Variants in KRT39 observed in about 807,000 individuals in gnomAD.
KRT39 encodes keratin 39, also known as keratin, type I cytoskeletal 39.
In KRT39, 47 loss-of-function variants were observed where a neutral mutation model predicts 54.8. The observed-to-expected ratio is 0.86, with a 90% confidence interval of 0.68 to 1.09. KRT39 has a LOEUF of 1.09. Ranked by LOEUF, KRT39 falls within the 50% of genes least tolerant of loss-of-function variation. The pLI is 0.00. For missense variants in KRT39, 580 were observed against 598.5 expected (o/e 0.97, Z 0.32); for synonymous variants, 207 against 227.9 (o/e 0.91, Z 0.83).
At chr17:40,961,284 A>T (rs995462227) in intron 5 of KRT39, among the ~76,000 whole-genome samples, 2 of 152,182 alleles carry the variant, frequency 1.3e-5, no homozygotes, top group Non-Finnish European at 2.9e-5. Context: ...TGATGAGTAA[A>T]TTTCATTCCT....
intron 2 of KRT39, chr17:40,964,114 GC>G (rs1288395295): frequency 3.5e-5 from 15 of 426,068 alleles, no homozygotes; most frequent in Non-Finnish European, 6.2e-5. Flanking sequence ...TTTGACTTGT[GC>G]TAGTTATGCT....
intron 3 of KRT39, 87 bp from the exon 4 acceptor site, chr17:40,962,650 T>A: frequency 1.7e-6 from 2 of 1,153,228 alleles, no homozygotes; most frequent in East Asian, 4.7e-5. Context: ...ACGATTTAGC[T>A]TAATTGTGTC....
rs10491137 is a variant in KRT39 at position 40,966,545 on chromosome 17, G to A, written c.312C>T (p.Asn104=). The change falls in exon 1 of 7, where the codon AAC becomes AAT. Residue 104 remains asparagine (N), a synonymous_variant. Transcript: ENST00000355612. ...TTTGCAGGTAGTTAGCAAGGCGCTCGTTCAAGATTTGCATGGTCTCCTTCT... is the reference window on the plus strand; with the variant it reads ...TTTGCAGGTAGTTAGCAAGGCGCTCATTCAAGATTTGCATGGTCTCCTTCT... The part of the protein sequence containing the change: ...SNEKETMQIL[N]ERLANYLQKV... The A allele has an allele frequency of 0.16, 253,272 of 1,613,776 alleles. 21,097 individuals are homozygous for A. Among genetic ancestry groups the A allele is most frequent in the Middle Eastern group, 0.29 (1,777 of 6,062 alleles).
Position 40,958,543 on chromosome 17 carries a change from A to T in KRT39, c.*58T>A. Reference sequence around the variant, plus strand: ...GGGAGTTTTCTTAAACCTCTCTGGCAGGAGCATGTATTGGCCTCTGTTTCA... The same window carrying T: ...GGGAGTTTTCTTAAACCTCTCTGGCTGGAGCATGTATTGGCCTCTGTTTCA... On this transcript the variant is annotated 3_prime_UTR_variant, in exon 7 of 7. Coordinates refer to ENST00000355612, the MANE Select transcript of KRT39 (RefSeq NM_213656.4). The T allele has an allele frequency of 2.3e-5, 35 of 1,534,216 alleles. 2 individuals are homozygous for T. The South Asian group carries it at 4.3e-4, about 19-fold the overall frequency.
chr17:40,962,258 G>A lies in KRT39; in HGVS notation c.900C>T (p.Thr300=), dbSNP rs1327889163. 6 of 1,614,186 alleles carry A rather than the reference G, an allele frequency of 3.7e-6. No homozygotes were observed. The East Asian group carries it at 1.3e-4, about 36-fold the overall frequency. Reference sequence around the variant, plus strand: ...GGCAGCATTGCTGCTGTTGAGAGCTGGTCACCACTTGTTGATTCAGCTCCT... The same window carrying A: ...GGCAGCATTGCTGCTGTTGAGAGCTAGTCACCACTTGTTGATTCAGCTCCT... The part of the protein sequence containing the change: ...QIEELNQQVV[T]SSQQQQCCQK... Residue 300 remains threonine (T), a synonymous_variant, in exon 5 of 7, where the codon ACC becomes ACT. Coordinates refer to ENST00000355612, the MANE Select transcript of KRT39 (RefSeq NM_213656.4).
chr17:40,958,828 C>T lies in KRT39; in HGVS notation c.1249G>A (p.Glu417Lys), dbSNP rs1160026594. The T allele has an allele frequency of 1.2e-6, 2 of 1,609,396 alleles. No homozygotes were observed. The highest frequency in any genetic ancestry group is 1.7e-6 in the Non-Finnish European group (2 of 1,177,900). Residue 417 changes from glutamate to lysine, a missense_variant, in exon 7 of 7, where the codon GAG becomes AAG. Transcript: ENST00000355612. ...TTACAAGATGTCCAAGGGGAAGGCT[C>T]ACATTTGGTGGCACGTGGGTAACAG... ...RPCYPRATKC[E>K]PSPWTSCKSG...
chr17:40,963,780 G>C lies in KRT39; in HGVS notation c.555C>G (p.Tyr185Ter). Residue 185 changes from tyrosine (Y) to a stop codon, truncating the protein, a stop_gained, in exon 3 of 7, where the codon TAC (tyrosine) becomes TAG (stop). Transcript: ENST00000355612. LOFTEE classifies it high-confidence loss of function. ...GCTGGCGTAGAGACACCTCAGCTTC[G>C]TATCTTTAAAAACCAGATGGGAAAA... Reference protein sequence around the residue: ...KLTADDLRAKYEAEVSLRQLV... With the variant: ...KLTADDLRAK 6.4e-7 allele frequency: 1 copy of C among 1,570,606 alleles called. No individual in the cohort carries two copies. Among genetic ancestry groups the C allele is most frequent in the Non-Finnish European group, 8.7e-7 (1 of 1,148,136 alleles).
intron 5 of KRT39, among the ~76,000 whole-genome samples, chr17:40,961,392 T>C (rs1323415534): frequency 6.6e-6 from 1 of 152,174 alleles, no homozygotes; most frequent in Admixed American, 6.5e-5. Flanking sequence ...ATGAGAAAAC[T>C]GAGGTTCAAG....
In KRT39 at chr17:40,960,343, G is replaced by A; in HGVS notation, c.1155C>T (p.Val385=). ...QNQEYEILLD[V]KSRLECEITT... ...TAATCTCACATTCCAGCCGGGACTT[G>A]ACGTCCAGCAGGATCTCGTATTCTT... Residue 385 remains valine, a synonymous_variant, in exon 6 of 7, where the codon GTC becomes GTT. Coordinates refer to ENST00000355612, the MANE Select transcript of KRT39 (RefSeq NM_213656.4). 1 of 1,614,034 alleles carries A rather than the reference G, an allele frequency of 6.2e-7. No homozygotes were observed. The highest frequency in any genetic ancestry group is 8.5e-7 in the Non-Finnish European group (1 of 1,180,014).
At chr17:40,964,390 T>G in intron 2 of KRT39, 56 bp downstream of exon 2, 1 of 1,479,732 alleles carries the variant, frequency 6.8e-7, no homozygotes, top group Non-Finnish European at 9.5e-7. Flanking sequence ...GTTGAGGGCA[T>G]CTCGGTCAGA....
intron 3 of KRT39, 80 bp downstream of exon 3, chr17:40,963,547 C>T: frequency 7.3e-7 from 1 of 1,374,032 alleles, no homozygotes; most frequent in Non-Finnish European, 1.0e-6. Flanking sequence ...CGGGCACACC[C>T]TTTGTCAGGT....
Position 40,966,632 on chromosome 17 carries a change from G to T in KRT39, c.225C>A (p.Asn75Lys). The change falls in exon 1 of 7, where the codon AAC becomes AAA. Residue 75 changes from asparagine (N) to lysine (K), a missense_variant. Asn to Lys is a moderately conservative substitution (Grantham distance 94). Coordinates refer to ENST00000355612, the MANE Select transcript of KRT39 (RefSeq NM_213656.4). ...FCRKPIYLMN[N>K]FNARFSLDDC... ...CATCCAGAGAAAAACGGGCATTGAA[G>T]TTGTTCATTAGGTAGATGGGCTTGC... is the stretch of plus-strand genomic sequence containing the variant. The T allele has an allele frequency of 6.2e-7, 1 of 1,614,230 alleles. No homozygotes were observed. Among genetic ancestry groups the T allele is most frequent in the South Asian group, 1.1e-5 (1 of 91,082 alleles).
chr17:40,960,265 C>T lies in KRT39; in HGVS notation c.1217+16G>A. On this transcript the variant is annotated intron_variant, in intron 6 of 6. Transcript: ENST00000355612. ...TTACACTTTTTTGTCATAGAAGTTG[C>T]TGTTATTTTACATACTTGCCATCCG... 6.2e-7 allele frequency: 1 copy of T among 1,603,304 alleles called. No homozygotes were observed.
At chr17:40,961,594 T>C (rs1480757897) in intron 5 of KRT39, among the ~76,000 whole-genome samples, 1 of 152,204 alleles carries the variant, frequency 6.6e-6, no homozygotes, top group East Asian at 1.9e-4. Flanking sequence ...TTTGTGACTT[T>C]GGATGAGTTT....
At position 40,960,407 on chromosome 17, in the gene KRT39, T is replaced by G; in HGVS notation, c.1091A>C (p.Gln364Pro). Residue 364 changes from glutamine to proline, a missense_variant, in exon 6 of 7, where the codon CAG becomes CCG. By Grantham distance (76) the Gln-to-Pro change is moderately conservative. Coordinates refer to ENST00000355612, the MANE Select transcript of KRT39 (RefSeq NM_213656.4). ...IQSLIDNLEAQLAEIRCALER... is the reference protein window; with the variant it reads ...IQSLIDNLEAPLAEIRCALER... ...CAGGGCACACCGGATCTCTGCCAGC[T>G]GAGCTTCCAGGTTATCAATCAGACT... 6.2e-7 allele frequency: 1 copy of G among 1,614,136 alleles called. No homozygotes were observed. The highest frequency in any genetic ancestry group is 8.5e-7 in the Non-Finnish European group (1 of 1,180,010).
chr17:40,964,600 G>T (rs990902650), intron 1 of KRT39, 72 bp from the exon 2 acceptor site: 4 of 1,018,624 alleles, frequency 3.9e-6, no homozygotes, highest in Admixed American at 1.7e-5. Flanking sequence ...CAAGGGGTTT[G>T]TGTGTGTGTC....
At chr17:40,964,578 T>G in intron 1 of KRT39, 50 bp from the exon 2 acceptor site, 1 of 1,316,800 alleles carries the variant, frequency 7.6e-7, no homozygotes, top group Non-Finnish European at 1.1e-6. Flanking sequence ...CAAGATTTCC[T>G]TCTTTAAGAA....
chr17:40,965,153 G>A lies in KRT39; in HGVS notation c.469-625C>T, dbSNP rs142218176. Among the ~76,000 whole-genome samples the A allele has an allele frequency of 5.2e-3, 792 of 151,858 alleles. 6 individuals are homozygous for A. The highest frequency in any genetic ancestry group is 0.018 in the African/African-American group (756 of 41,456). ...CAGGAAGCGGAGCTAGCAGTGAGCC[G>A]AGATCGCGCCACTGCACTGCAGCCT... On this transcript the variant is annotated intron_variant, in intron 1 of 6. Transcript: ENST00000355612.
rs1235813920 is a variant in KRT39, at chr17:40,966,777, G to A, written c.80C>T (p.Thr27Ile). The change falls in exon 1 of 7, where the codon ACC (threonine) becomes ATC (isoleucine). Residue 27 changes from threonine (T) to isoleucine (I), a missense_variant. By Grantham distance (89) the Thr-to-Ile change is moderately conservative. Transcript: ENST00000355612. ...ATGGCAGCCGTTGTTAGAAGAGATG[G>A]TACTAACATTTGTAATCCTAGAGCA... ...QNCSRITNVS[T>I]ISSNNGCHPG... 4.3e-6 allele frequency: 7 copies of A among 1,614,040 alleles called. No individual in the cohort carries two copies. The highest frequency in any genetic ancestry group is 1.3e-5 in the African/African-American group (1 of 74,928).
Sources: allele counts gnomAD v4.1 joint callset (sites outside exome capture counted in the v4.1 genomes callset), GRCh38; gene constraint gnomAD v4.1.1; transcripts MANE v1.5; gene names NCBI Gene and HGNC (gene_info 2026-07-23, HGNC 2026-07-21).